The following SLC35D2 variants were observed in gnomAD, a reference collection of about 807,000 sequenced individuals.
SLC35D2 encodes the protein solute carrier family 35 member D2.
A neutral mutation model predicts 41.8 loss-of-function variants in SLC35D2; 43 were observed. That is an observed-to-expected ratio of 1.03 (90% confidence interval 0.81 to 1.33). SLC35D2 has a LOEUF of 1.33. Among genes scored for constraint, SLC35D2 ranks in the 40% most tolerant of loss-of-function variants. The pLI, the probability that SLC35D2 is intolerant of heterozygous loss-of-function variation, is 0.00. For synonymous variants in SLC35D2, 150 were observed against 163.9 expected (o/e 0.92, Z 0.65); for missense variants, 380 against 408.4 (o/e 0.93, Z 0.60).
chr9:96,344,136 T>C, intron 7 of SLC35D2, 140 bp from the exon 8 acceptor site: 1 of 537,832 alleles, frequency 1.9e-6, no homozygotes, highest in Non-Finnish European at 3.2e-6. Context: ...TTTCAGCAAA[T>C]TTCTGACATA....
chr9:96,328,609 A>G (rs1344986062), intron 9 of SLC35D2, among the ~76,000 whole-genome samples: 1 of 152,144 alleles, frequency 6.6e-6, no homozygotes. Context: ...CTGTTCTAAA[A>G]ACAGCACAAA....
intron 11 of SLC35D2, among the ~76,000 whole-genome samples, chr9:96,315,248 T>A (rs958246106): frequency 7.0e-6 from 1 of 143,206 alleles, no homozygotes; most frequent in African/African-American, 2.6e-5. Context: ...GCCTCCTAAG[T>A]AGGTGGGACT....
chr9:96,363,828 A>G (rs1830375530), intron 3 of SLC35D2, among the ~76,000 whole-genome samples: 1 of 152,228 alleles, frequency 6.6e-6, no homozygotes. Flanking sequence ...CTTTCATGGT[A>G]CAGTGGCAGA....
At chr9:96,338,873 C>A (rs188142672) in intron 8 of SLC35D2, among the ~76,000 whole-genome samples, 25 of 152,186 alleles carry the variant, frequency 1.6e-4, no homozygotes, top group Admixed American at 5.9e-4. Context: ...CACTTAGTGT[C>A]TGAAATTAAA....
chr9:96,327,916 C>A (rs1380519412), intron 9 of SLC35D2, among the ~76,000 whole-genome samples: 1 of 152,010 alleles, frequency 6.6e-6, no homozygotes, highest in African/African-American at 2.4e-5. Context: ...GTCACCACTC[C>A]CAGCTTGCAC....
intron 2 of SLC35D2, among the ~76,000 whole-genome samples, chr9:96,364,925 G>A (rs775356123): frequency 6.7e-6 from 1 of 150,158 alleles, no homozygotes; most frequent in Non-Finnish European, 1.5e-5. Context: ...GGTGGCAGAC[G>A]CAGAATCCCA....
At chr9:96,363,805 T>G (rs1830374282) in intron 3 of SLC35D2, among the ~76,000 whole-genome samples, 1 of 152,166 alleles carries the variant, frequency 6.6e-6, no homozygotes, top group African/African-American at 2.4e-5. Flanking sequence ...CATTTAAATG[T>G]CATCAAGGGC....
At chr9:96,345,209 A>G in intron 7 of SLC35D2, 90 bp downstream of exon 7, 1 of 661,532 alleles carries the variant, frequency 1.5e-6, no homozygotes, top group Non-Finnish European at 2.6e-6. Context: ...AAATTAAATT[A>G]CATTCCAACT....
At position 96,332,226 on chromosome 9, in the gene SLC35D2, G is replaced by A. The variant is rs538207160; in HGVS notation, c.752+4491C>T. On this transcript the variant is annotated intron_variant, in intron 9 of 11. Transcript: ENST00000253270. ...GTAAGAGGCTGAGTGGGCTCGCCTC[G>A]AGTCTGGAGTTGCGGTGTGTGTGTT... Among the ~76,000 whole-genome samples the A allele has an allele frequency of 2.2e-4, 33 of 152,260 alleles. No homozygotes were observed. The East Asian group carries it at 2.9e-3, about 13-fold the overall frequency.
chr9:96,362,739 T>A (rs1225287), intron 3 of SLC35D2, among the ~76,000 whole-genome samples: 151,160 of 152,286 alleles, frequency 0.99, 75,026 homozygotes, highest in East Asian at 1. Flanking sequence ...AAAATTTTTT[T>A]AATTATACTA....
intron 1 of SLC35D2, among the ~76,000 whole-genome samples, chr9:96,372,908 T>G (rs1287226254): frequency 1.9e-4 from 25 of 132,104 alleles, no homozygotes; most frequent in African/African-American, 5.7e-4. Flanking sequence ...TGTTTTTTTG[T>G]TTTTTTTTTT....
chr9:96,359,677 A>G (rs1830182110), intron 4 of SLC35D2, among the ~76,000 whole-genome samples: 1 of 150,884 alleles, frequency 6.6e-6, no homozygotes, highest in South Asian at 2.1e-4. Context: ...ACAGAGTGAG[A>G]CTCTGTCTCA....
chr9:96,335,351 T>C (rs1313342234), intron 9 of SLC35D2, among the ~76,000 whole-genome samples: 2 of 152,004 alleles, frequency 1.3e-5, no homozygotes, highest in African/African-American at 4.8e-5. Context: ...GTGTTCCCTA[T>C]TTATTCTTTT....
chr9:96,355,529 G>A (rs1015775584), intron 4 of SLC35D2, among the ~76,000 whole-genome samples: 8 of 149,576 alleles, frequency 5.3e-5, no homozygotes, highest in East Asian at 2.0e-4. Context: ...ACGGAGTTTC[G>A]CTCGTCGCCC....
intron 3 of SLC35D2, among the ~76,000 whole-genome samples, chr9:96,364,006 T>G (rs1413342150): frequency 6.6e-6 from 1 of 152,160 alleles, no homozygotes; most frequent in Non-Finnish European, 1.5e-5. Flanking sequence ...GACAACTAAA[T>G]GATATACAGT....
intron 3 of SLC35D2, among the ~76,000 whole-genome samples, chr9:96,363,171 T>TA (rs1054163677): frequency 3.4e-5 from 5 of 145,768 alleles, no homozygotes; most frequent in African/African-American, 1.2e-4. Context: ...CTGGCTTATT[T>TA]TTTTTTTTTT....
At chr9:96,382,307 T>C (rs1243982894) in intron 1 of SLC35D2, among the ~76,000 whole-genome samples, 1 of 151,438 alleles carries the variant, frequency 6.6e-6, no homozygotes, top group Non-Finnish European at 1.5e-5. Context: ...ATCAAAAAAA[T>C]TGCCGGTGCA....
chr9:96,324,884 C>T (rs925993741), intron 9 of SLC35D2, among the ~76,000 whole-genome samples: 3 of 152,076 alleles, frequency 2.0e-5, no homozygotes, highest in African/African-American at 4.8e-5. Flanking sequence ...ACACAACGAA[C>T]GATGCCTGGC....
chr9:96,331,674 C>CT (rs1828816129), intron 9 of SLC35D2, among the ~76,000 whole-genome samples: 1 of 152,166 alleles, frequency 6.6e-6, no homozygotes, highest in African/African-American at 2.4e-5. Flanking sequence ...TGAGACCTGT[C>CT]TCACACACTT....
Sources: gnomAD v4.1 joint callset for allele counts (sites outside exome capture counted in the v4.1 genomes callset) on GRCh38, gnomAD v4.1.1 for gene constraint, MANE v1.5 for transcripts, NCBI Gene and HGNC (gene_info 2026-07-23, HGNC 2026-07-21) for gene names.